The following SBF2 variants were observed in gnomAD, a reference collection of about 807,000 sequenced individuals.
SBF2 encodes SET binding factor 2.
SBF2 carries 112 observed loss-of-function variants against 225.2 expected under a neutral mutation model. The observed-to-expected ratio is 0.50, with a 90% confidence interval of 0.43 to 0.58. SBF2 has a LOEUF of 0.58. SBF2 is among the 20% of genes least tolerant of loss of function. The pLI is 0.00. For synonymous variants in SBF2, 763 were observed against 773.3 expected (o/e 0.99, Z 0.22); for missense variants, 1,996 against 2,206.2 (o/e 0.90, Z 1.91).
intron 1 of SBF2, among the ~76,000 whole-genome samples, chr11:10,279,720 G>A (rs1225126550): frequency 2.0e-5 from 3 of 152,158 alleles, no homozygotes; most frequent in Non-Finnish European, 4.4e-5. Flanking sequence ...CACAATCTCA[G>A]CTCACTGCAA....
chr11:10,187,695 A>G (rs1956989554), intron 2 of SBF2, among the ~76,000 whole-genome samples: 1 of 152,006 alleles, frequency 6.6e-6, no homozygotes, highest in East Asian at 1.9e-4. Context: ...CATTTTGAAA[A>G]TGGCAAACCC....
At chr11:10,160,883 C>T (rs559098426) in intron 2 of SBF2, among the ~76,000 whole-genome samples, 1 of 152,196 alleles carries the variant, frequency 6.6e-6, no homozygotes, top group South Asian at 2.1e-4. Flanking sequence ...ACCACTTCCT[C>T]CATAAAATCT....
chr11:10,126,891 G>C (rs1361059766), intron 2 of SBF2, among the ~76,000 whole-genome samples: 1 of 152,032 alleles, frequency 6.6e-6, no homozygotes, highest in African/African-American at 2.4e-5. Flanking sequence ...CTATACCATG[G>C]ATGACCCTTG....
chr11:10,111,711 A>G (rs1952858238), intron 2 of SBF2, among the ~76,000 whole-genome samples: 1 of 152,234 alleles, frequency 6.6e-6, no homozygotes, highest in Non-Finnish European at 1.5e-5. Flanking sequence ...CCGCATCTCT[A>G]CTAAAAATAT....
Position 9,787,711 on chromosome 11 carries a change from T to G in SBF2, c.4960A>C (p.Asn1654His), listed in dbSNP as rs927212697. 77 of 1,614,080 alleles carry G rather than the reference T, an allele frequency of 4.8e-5. No individual in the cohort carries two copies. The highest frequency in any genetic ancestry group is 6.4e-5 in the Non-Finnish European group (75 of 1,180,040). ...TGCTGCCACTTCTCAGGGGCTTGGT[T>G]CAATTTGTGCTCCAATTTTTCAATT... ...SEIEKLEHKL[N>H]QAPEKWQQLW... is the part of the protein sequence containing the mutation. The change falls in exon 36 of 40, where the codon AAC (asparagine) becomes CAC (histidine). Residue 1654 changes from asparagine to histidine, a missense_variant. Coordinates refer to ENST00000256190, the MANE Select transcript of SBF2 (RefSeq NM_030962.4).
intron 2 of SBF2, among the ~76,000 whole-genome samples, chr11:10,071,333 C>G (rs1007222222): frequency 4.4e-5 from 6 of 137,074 alleles, no homozygotes; most frequent in African/African-American, 1.6e-4. Context: ...GTGGCGTGAT[C>G]TGAGCTCACG....
At chr11:10,155,741 T>C (rs749680017) in intron 2 of SBF2, among the ~76,000 whole-genome samples, 8 of 152,268 alleles carry the variant, frequency 5.3e-5, no homozygotes, top group Non-Finnish European at 1.2e-4. Flanking sequence ...CCAAGCCTAC[T>C]GGTATTTTCA....
chr11:10,094,595 G>A (rs1317989978), intron 2 of SBF2, among the ~76,000 whole-genome samples: 4 of 134,754 alleles, frequency 3.0e-5, no homozygotes, highest in African/African-American at 1.1e-4. Context: ...CTCTGCCTCC[G>A]AGGTTCAAGT....
intron 2 of SBF2, among the ~76,000 whole-genome samples, chr11:10,086,654 C>T (rs1276995922): frequency 6.6e-6 from 1 of 152,144 alleles, no homozygotes; most frequent in East Asian, 1.9e-4. Context: ...CTTTATAAAA[C>T]AGGTATAATA....
At chr11:10,022,605 C>G (rs771974814) in intron 6 of SBF2, among the ~76,000 whole-genome samples, 1 of 152,008 alleles carries the variant, frequency 6.6e-6, no homozygotes, top group African/African-American at 2.4e-5. Context: ...TACCCACCCC[C>G]CCATCATAAT....
intron 2 of SBF2, among the ~76,000 whole-genome samples, chr11:10,187,904 C>T (rs1956999084): frequency 6.6e-6 from 1 of 152,120 alleles, no homozygotes; most frequent in Non-Finnish European, 1.5e-5. Flanking sequence ...CAGAATAAAT[C>T]CCTGCAATGT....
chr11:10,205,008 G>A (rs555246694), intron 1 of SBF2, among the ~76,000 whole-genome samples: 2 of 151,722 alleles, frequency 1.3e-5, no homozygotes, highest in South Asian at 2.1e-4. Context: ...CGGCCTGTTG[G>A]GGGGAGGTGG....
At chr11:10,004,589 A>C (rs1190581339) in intron 6 of SBF2, among the ~76,000 whole-genome samples, 12 of 149,072 alleles carry the variant, frequency 8.0e-5, no homozygotes, top group African/African-American at 1.9e-4. Flanking sequence ...AAAAAAAAAA[A>C]AAAAAACAAA....
intron 1 of SBF2, among the ~76,000 whole-genome samples, chr11:10,207,078 G>A (rs970769925): frequency 1.3e-5 from 2 of 151,964 alleles, no homozygotes; most frequent in African/African-American, 4.8e-5. Flanking sequence ...TAAAAACAAA[G>A]AAGTCTTGAA....
At chr11:9,788,468 C>T (rs1488835175) in intron 35 of SBF2, among the ~76,000 whole-genome samples, 1 of 152,194 alleles carries the variant, frequency 6.6e-6, no homozygotes, top group Non-Finnish European at 1.5e-5. Flanking sequence ...GTAAAGCACC[C>T]ACAGAAGCCA....
chr11:9,829,562 A>G, intron 27 of SBF2, 66 bp from the exon 28 acceptor site: 1 of 1,292,790 alleles, frequency 7.7e-7, no homozygotes, highest in South Asian at 1.2e-5. Flanking sequence ...GTATCTATCT[A>G]TCTATCTATC....
chr11:9,795,612 T>C (rs910764826), intron 33 of SBF2, among the ~76,000 whole-genome samples: 10 of 152,204 alleles, frequency 6.6e-5, no homozygotes, highest in African/African-American at 1.7e-4. Flanking sequence ...AGTAAACATA[T>C]TTAATTTTAG....
At chr11:10,096,330 T>C (rs1200045960) in intron 2 of SBF2, among the ~76,000 whole-genome samples, 2 of 151,018 alleles carry the variant, frequency 1.3e-5, no homozygotes, top group South Asian at 2.1e-4. Context: ...TTGATTGATA[T>C]ATAAGATTTA....
chr11:9,845,522 A>T (rs755920029), intron 24 of SBF2, 43 bp downstream of exon 24: 3 of 1,570,352 alleles, frequency 1.9e-6, no homozygotes, highest in Non-Finnish European at 8.8e-7. Flanking sequence ...TTTGCAATCA[A>T]TTACGGGAGG....
Sources: gnomAD v4.1 joint callset for allele counts (sites outside exome capture counted in the v4.1 genomes callset) on GRCh38, gnomAD v4.1.1 for gene constraint, MANE v1.5 for transcripts, NCBI Gene and HGNC (gene_info 2026-07-23, HGNC 2026-07-21) for gene names.